Variants in C12orf54 observed in about 807,000 individuals in gnomAD.
C12orf54 encodes chromosome 12 open reading frame 54, also known as uncharacterized protein C12orf54.
C12orf54 carries 24 observed loss-of-function variants against 26.4 expected under a neutral mutation model. The ratio of observed to expected loss-of-function variants is 0.91; its 90% confidence interval spans 0.66 to 1.28. C12orf54 has a LOEUF of 1.28. Among genes scored for constraint, C12orf54 ranks in the 50% most tolerant of loss-of-function variants. The pLI is 0.00. For missense variants in C12orf54, 154 were observed against 150.9 expected (o/e 1.02, Z -0.11); for synonymous variants, 54 against 47.0 (o/e 1.15, Z -0.61).
chr12:48,427,848 T>C, the C12orf54 span, among the ~76,000 whole-genome samples: 1 of 151,992 alleles, frequency 6.6e-6, no homozygotes, highest in Non-Finnish European at 1.5e-5. Context: ...GAACATTCCA[T>C]CCAAGAACCA....
chr12:48,417,507 T>G, the C12orf54 span, among the ~76,000 whole-genome samples: 2 of 152,234 alleles, frequency 1.3e-5, no homozygotes, highest in Non-Finnish European at 2.9e-5. Flanking sequence ...TTAACATCTT[T>G]GATTTTGTTA....
the C12orf54 span, among the ~76,000 whole-genome samples, chr12:48,446,287 G>A: frequency 6.6e-6 from 1 of 152,104 alleles, no homozygotes; most frequent in Admixed American, 6.6e-5. Context: ...ACTTTAAAAA[G>A]CTTTTCTGAA....
At chr12:48,467,491 G>A in the C12orf54 span, among the ~76,000 whole-genome samples, 1 of 152,024 alleles carries the variant, frequency 6.6e-6, no homozygotes, top group Non-Finnish European at 1.5e-5. Context: ...CATAATAACA[G>A]GAATCTCAAA....
chr12:48,458,717 G>A, the C12orf54 span, among the ~76,000 whole-genome samples: 1 of 147,312 alleles, frequency 6.8e-6, no homozygotes. Context: ...GCTCCACAGA[G>A]GATACCTTGA....
the C12orf54 span, among the ~76,000 whole-genome samples, chr12:48,438,659 A>G: frequency 0.11 from 16,566 of 152,238 alleles, 940 homozygotes; most frequent in Middle Eastern, 0.13. Context: ...TGGGGAAAGG[A>G]TTCCCTATTT....
chr12:48,438,024 C>T, the C12orf54 span, among the ~76,000 whole-genome samples: 1 of 152,202 alleles, frequency 6.6e-6, no homozygotes, highest in Non-Finnish European at 1.5e-5. Flanking sequence ...AGCCCAAAAT[C>T]TCCTTAAGCT....
At chr12:48,482,275 C>T (rs1276718564), upstream of C12orf54, among the ~76,000 whole-genome samples, 1 of 152,136 alleles carries the variant, frequency 6.6e-6, no homozygotes, top group Non-Finnish European at 1.5e-5. Context: ...CTCTAAGAAT[C>T]AATGGATTTC....
intron 2 of C12orf54, among the ~76,000 whole-genome samples, chr12:48,485,217 A>G (rs147798649): frequency 2.8e-4 from 43 of 152,238 alleles, no homozygotes; most frequent in African/African-American, 9.4e-4. Flanking sequence ...AGCTAGGACT[A>G]CAAGTGCCTG....
chr12:48,481,661 GT>G (rs1239367159), upstream of C12orf54, among the ~76,000 whole-genome samples: 2 of 152,236 alleles, frequency 1.3e-5, no homozygotes, highest in Non-Finnish European at 1.5e-5. Flanking sequence ...TGCATGATTT[GT>G]GAGTCCTCTT....
At chr12:48,414,956 A>G in the C12orf54 span, among the ~76,000 whole-genome samples, 1 of 152,204 alleles carries the variant, frequency 6.6e-6, no homozygotes, top group Non-Finnish European at 1.5e-5. Context: ...TTCTAGAATC[A>G]TAGGAGTCTA....
At chr12:48,450,991 T>C in the C12orf54 span, among the ~76,000 whole-genome samples, 1 of 152,038 alleles carries the variant, frequency 6.6e-6, no homozygotes, top group Non-Finnish European at 1.5e-5. Context: ...GCCAGCATCA[T>C]CCTGATACCA....
At chr12:48,493,370 TC>T (rs1474989528) in intron 7 of C12orf54, among the ~76,000 whole-genome samples, 1 of 152,106 alleles carries the variant, frequency 6.6e-6, no homozygotes. Flanking sequence ...GTGGGGTGGT[TC>T]ACGCGTATAA....
At chr12:48,425,346 T>C in the C12orf54 span, among the ~76,000 whole-genome samples, 1 of 152,012 alleles carries the variant, frequency 6.6e-6, no homozygotes, top group Non-Finnish European at 1.5e-5. Flanking sequence ...TGGTTTTCTG[T>C]GTTAGTTTGC....
upstream of C12orf54, among the ~76,000 whole-genome samples, chr12:48,478,020 C>T (rs1592195737): frequency 6.6e-6 from 1 of 152,178 alleles, no homozygotes; most frequent in African/African-American, 2.4e-5. Flanking sequence ...CAAACCGAAT[C>T]CAGCAGCACA....
the C12orf54 span, among the ~76,000 whole-genome samples, chr12:48,453,683 T>G: frequency 6.8e-6 from 1 of 146,592 alleles, no homozygotes; most frequent in Non-Finnish European, 1.5e-5. Flanking sequence ...GGATTTATCC[T>G]CAAGTTTATT....
chr12:48,460,109 C>A, the C12orf54 span, among the ~76,000 whole-genome samples: 65 of 152,236 alleles, frequency 4.3e-4, no homozygotes, highest in Non-Finnish European at 8.7e-4. Flanking sequence ...CAGGAGCAAT[C>A]CAAGAACCAA....
chr12:48,427,401 A>G, the C12orf54 span, among the ~76,000 whole-genome samples: 4 of 151,714 alleles, frequency 2.6e-5, no homozygotes, highest in African/African-American at 4.8e-5. Flanking sequence ...CATATATTGA[A>G]CCCACTTTGC....
At chr12:48,459,988 AC>A in the C12orf54 span, among the ~76,000 whole-genome samples, 22,028 of 152,164 alleles carry the variant, frequency 0.14, 2,802 homozygotes, top group East Asian at 0.66. Flanking sequence ...AGAGGCATTC[AC>A]CATAAAGATA....
the C12orf54 span, among the ~76,000 whole-genome samples, chr12:48,430,607 A>T: frequency 6.6e-6 from 1 of 152,288 alleles, no homozygotes; most frequent in South Asian, 2.1e-4. Flanking sequence ...ATGCCACCTT[A>T]CTCCTGCAAG....
Sources: allele counts gnomAD v4.1 joint callset (sites outside exome capture counted in the v4.1 genomes callset), GRCh38; gene constraint gnomAD v4.1.1; transcripts MANE v1.5; gene names NCBI Gene and HGNC (gene_info 2026-07-23, HGNC 2026-07-21).